SPIDR: variants seen among roughly 807,000 people sequenced by gnomAD.
The protein encoded by SPIDR is scaffold protein involved in DNA repair.
Under a neutral mutation model 104.6 loss-of-function variants are expected in SPIDR, and 93 were observed. The ratio of observed to expected loss-of-function variants is 0.89; its 90% CI spans 0.75 to 1.06. The LOEUF is 1.06. Ranked by LOEUF, SPIDR falls within the 50% of genes least tolerant of loss-of-function variation. The pLI, the probability that SPIDR is intolerant of heterozygous loss-of-function variation, is 0.00. For missense variants in SPIDR, 1,154 were observed against 1,111.2 expected, an observed-to-expected ratio of 1.04 and a Z score of -0.55; for synonymous variants, 431 against 416.9, an observed-to-expected ratio of 1.03 and a Z score of -0.41.
intron 8 of SPIDR, among the ~76,000 whole-genome samples, chr8:47,595,029 A>G: frequency 6.6e-6 from 1 of 152,034 alleles, no homozygotes; most frequent in Admixed American, 6.6e-5. Context: ...AAGAAAACCC[A>G]GGAACTTGCC....
At position 47,561,776 on chromosome 8, in the gene SPIDR, G is replaced by A. The variant is rs535113304; in HGVS notation, c.1098-34035G>A. ...CTTCTTATGCCCATCCTATACGTAA[G>A]GGTTACTATGGGTCGACATATAGCC... On this transcript the variant is annotated intron_variant, in intron 8 of 19. Transcript: ENST00000297423. 2.9e-4 allele frequency among the ~76,000 whole-genome samples: 44 copies of A among 152,242 alleles called. No individual in the cohort carries two copies. In the South Asian group the frequency reaches 8.1e-3, roughly 28 times the overall value.
At chr8:47,388,060 TTC>T (rs1203132266) in intron 5 of SPIDR, among the ~76,000 whole-genome samples, 4 of 152,214 alleles carry the variant, frequency 2.6e-5, no homozygotes, top group Admixed American at 6.5e-5. Context: ...AGGTGCTTTC[TTC>T]TCTCTTTCTG....
intron 8 of SPIDR, among the ~76,000 whole-genome samples, chr8:47,488,264 A>G (rs916992469): frequency 6.6e-6 from 1 of 152,236 alleles, no homozygotes; most frequent in African/African-American, 2.4e-5. Context: ...GAAATGGATA[A>G]ATTCCTGGAC....
chr8:47,472,302 G>T (rs1294190366), intron 8 of SPIDR, among the ~76,000 whole-genome samples: 1 of 152,140 alleles, frequency 6.6e-6, no homozygotes, highest in African/African-American at 2.4e-5. Flanking sequence ...CACCCTGCAA[G>T]GTCTGATCAT....
intron 8 of SPIDR, among the ~76,000 whole-genome samples, chr8:47,504,363 T>C (rs2081116271): frequency 6.6e-6 from 1 of 152,208 alleles, no homozygotes; most frequent in Admixed American, 6.5e-5. Flanking sequence ...TAAACTTCTC[T>C]TCTCACTTCA....
intron 8 of SPIDR, among the ~76,000 whole-genome samples, chr8:47,560,859 A>G (rs1054141361): frequency 6.6e-6 from 1 of 152,152 alleles, no homozygotes; most frequent in African/African-American, 2.4e-5. Context: ...GACATACACA[A>G]TTCACTTTAA....
chr8:47,640,072 A>G (rs1425481921), intron 10 of SPIDR, among the ~76,000 whole-genome samples: 1 of 152,236 alleles, frequency 6.6e-6, no homozygotes, highest in African/African-American at 2.4e-5. Context: ...AGCCGACAGC[A>G]GGGAACTGCA....
At chr8:47,345,858 T>G (rs2051869360) in intron 5 of SPIDR, among the ~76,000 whole-genome samples, 1 of 152,196 alleles carries the variant, frequency 6.6e-6, no homozygotes, top group Admixed American at 6.5e-5. Context: ...TTAAGGAGAT[T>G]TGGGGTTGAG....
rs782467203 is a variant in SPIDR, at chr8:47,407,958, T to G, written c.874T>G (p.Ser292Ala). ...ATGTATTTCTTACCAAAAGACACTT[T>G]CAGGTAAGGCTTGTGCAGGAATCTG... Reference protein sequence around the residue: ...HQCISYQKTLSGRKSGVLTVK... With the variant: ...HQCISYQKTLAGRKSGVLTVK... Residue 292 changes from serine (S) to alanine (A), a missense_variant, in exon 7 of 20, where the codon TCA (serine) becomes GCA (alanine). Ser to Ala is a moderately conservative substitution (Grantham distance 99, BLOSUM62 1). Transcript: ENST00000297423. The G allele has an allele frequency of 7.6e-6, 12 of 1,568,682 alleles. No homozygotes were observed. The South Asian group carries it at 1.4e-4, about 18-fold the overall frequency.
At chr8:47,593,264 T>C (rs2061271330) in intron 8 of SPIDR, among the ~76,000 whole-genome samples, 1 of 152,144 alleles carries the variant, frequency 6.6e-6, no homozygotes, top group African/African-American at 2.4e-5. Flanking sequence ...TATCTTCGAC[T>C]TTATTGATTC....
rs565051471 is a variant in SPIDR, at chr8:47,727,195, C to T, written c.2342-5C>T. ...TGAGGTGGGCTTTCCTTCTCTTGGG[C>T]CTAGGCACTGTGGTTGGCGTGGACG... is the stretch of plus-strand genomic sequence containing the variant. On this transcript the variant is annotated splice_region_variant and splice_polypyrimidine_tract_variant and intron_variant, in intron 16 of 19. Coordinates refer to ENST00000297423, the MANE Select transcript of SPIDR (RefSeq NM_001080394.4). 1 of 1,613,970 alleles carries T rather than the reference C, an allele frequency of 6.2e-7. No homozygotes were observed. Among genetic ancestry groups the T allele is most frequent in the East Asian group, 2.2e-5 (1 of 44,866 alleles).
At chr8:47,520,108 G>A (rs1364533062) in intron 8 of SPIDR, among the ~76,000 whole-genome samples, 2 of 152,128 alleles carry the variant, frequency 1.3e-5, no homozygotes, top group Non-Finnish European at 2.9e-5. Flanking sequence ...ATTTGAATAT[G>A]GAGTATCTGT....
At chr8:47,733,815 T>C (rs1052968126) in intron 19 of SPIDR, among the ~76,000 whole-genome samples, 2 of 152,078 alleles carry the variant, frequency 1.3e-5, no homozygotes, top group African/African-American at 4.8e-5. Flanking sequence ...TCAGCTTCCA[T>C]TACCAAGTTC....
intron 10 of SPIDR, chr8:47,653,988 T>C (rs2072197301): frequency 7.9e-7 from 1 of 1,268,782 alleles, no homozygotes; most frequent in Non-Finnish European, 1.0e-6. Context: ...GATACTTAGA[T>C]GAGTGGGAGT....
chr8:47,555,686 T>G (rs937529070), intron 8 of SPIDR, among the ~76,000 whole-genome samples: 2 of 152,174 alleles, frequency 1.3e-5, no homozygotes, highest in Admixed American at 6.5e-5. Context: ...GTGGCTTCTT[T>G]GTGAAGGGAG....
chr8:47,627,709 C>A (rs909205864), intron 10 of SPIDR, among the ~76,000 whole-genome samples: 2 of 152,144 alleles, frequency 1.3e-5, no homozygotes, highest in African/African-American at 4.8e-5. Context: ...CCAGCACCCC[C>A]ATCGGTGCTC....
chr8:47,513,028 A>C (rs2082602188), intron 8 of SPIDR, among the ~76,000 whole-genome samples: 1 of 152,238 alleles, frequency 6.6e-6, no homozygotes, highest in Non-Finnish European at 1.5e-5. Flanking sequence ...GTTAATCTAC[A>C]GGCTGTTTTA....
At chr8:47,436,985 A>T (rs1268120011) in intron 7 of SPIDR, among the ~76,000 whole-genome samples, 3 of 152,222 alleles carry the variant, frequency 2.0e-5, no homozygotes, top group African/African-American at 7.2e-5. Context: ...TGCTGTGTGC[A>T]GCACTGCAGT....
intron 14 of SPIDR, among the ~76,000 whole-genome samples, chr8:47,709,586 T>C (rs900238798): frequency 3.3e-5 from 5 of 152,152 alleles, no homozygotes; most frequent in African/African-American, 9.7e-5. Flanking sequence ...AGAGAAGAAA[T>C]CTATTTTTAA....
Sources: allele counts gnomAD v4.1 joint callset (sites outside exome capture counted in the v4.1 genomes callset), GRCh38; gene constraint gnomAD v4.1.1; transcripts MANE v1.5; gene names NCBI Gene and HGNC (gene_info 2026-07-23, HGNC 2026-07-21).